ATF2: variants seen among roughly 807,000 people sequenced by gnomAD.
ATF2 encodes cyclic AMP-dependent transcription factor ATF-2.
Under a neutral mutation model 60.6 loss-of-function variants are expected in ATF2, and 24 were observed. That is an observed-to-expected ratio of 0.40 (90% CI 0.29 to 0.56). The LOEUF (loss-of-function observed/expected upper bound fraction) is 0.56, where lower values mean the gene tolerates loss of function less well. Ranked by LOEUF, ATF2 falls within the 20% of genes least tolerant of loss-of-function variation. The pLI is 0.54. For missense variants in ATF2, 433 were observed against 607.7 expected, an observed-to-expected ratio of 0.71 and a Z score of 3.02; for synonymous variants, 206 against 215.4, an observed-to-expected ratio of 0.96 and a Z score of 0.38.
chr2:175,131,624 T>A (rs1347345134), intron 3 of ATF2, among the ~76,000 whole-genome samples: 1 of 152,224 alleles, frequency 6.6e-6, no homozygotes, highest in African/African-American at 2.4e-5. Context: ...TAACATATTA[T>A]CCTTCTAGTG....
At chr2:175,102,424 T>C (rs1002741902) in intron 10 of ATF2, among the ~76,000 whole-genome samples, 7 of 152,148 alleles carry the variant, frequency 4.6e-5, no homozygotes, top group African/African-American at 1.4e-4. Context: ...AAATTTAATA[T>C]ATGTAAATAA....
At chr2:175,140,722 C>T (rs1426043053) in intron 2 of ATF2, among the ~76,000 whole-genome samples, 13 of 150,950 alleles carry the variant, frequency 8.6e-5, no homozygotes. Context: ...GGTGCAATGG[C>T]TCACACCTGT....
chr2:175,077,946 G>C (rs946777947), intron 13 of ATF2, among the ~76,000 whole-genome samples: 2 of 152,094 alleles, frequency 1.3e-5, no homozygotes, highest in Non-Finnish European at 2.9e-5. Flanking sequence ...CAGTAATCTT[G>C]AAAGTTCTCT....
chr2:175,149,715 T>C lies in ATF2; in HGVS notation c.-44+1345A>G, dbSNP rs1699183013. Among the ~76,000 whole-genome samples the C allele has an allele frequency of 1.3e-5, 2 of 152,198 alleles. 1 individual carries two copies. The highest frequency in any genetic ancestry group is 4.1e-4 in the South Asian group (2 of 4,830). On this transcript the variant is annotated intron_variant, in intron 2 of 13. Coordinates refer to ENST00000264110, the MANE Select transcript of ATF2 (RefSeq NM_001880.4). ...AGTCTCAAATGCTTAACATTGTTTC[T>C]AGACCCTTGCATGGACTGACCACTA...
At chr2:175,158,142 T>C (rs966786140) in intron 1 of ATF2, among the ~76,000 whole-genome samples, 6 of 151,892 alleles carry the variant, frequency 4.0e-5, no homozygotes, top group Admixed American at 2.0e-4. Context: ...GTGGTCATAA[T>C]AACAAACCTA....
At chr2:175,127,856 A>G (rs1350921984) in intron 4 of ATF2, among the ~76,000 whole-genome samples, 1 of 152,204 alleles carries the variant, frequency 6.6e-6, no homozygotes, top group African/African-American at 2.4e-5. Context: ...CTCGCTCTAC[A>G]TCATTAAATA....
At chr2:175,149,971 A>C (rs1699197975) in intron 2 of ATF2, among the ~76,000 whole-genome samples, 1 of 152,170 alleles carries the variant, frequency 6.6e-6, no homozygotes, top group Non-Finnish European at 1.5e-5. Flanking sequence ...ATAGGGTAGG[A>C]ATGTGCTAGA....
intron 3 of ATF2, chr2:175,132,739 T>C (rs1397694449): frequency 6.6e-6 from 1 of 152,196 alleles, no homozygotes; most frequent in East Asian, 1.9e-4. Flanking sequence ...TGGGTGGTTT[T>C]AAGTAATGAA....
intron 2 of ATF2, among the ~76,000 whole-genome samples, chr2:175,146,097 G>T (rs1195906253): frequency 1.3e-5 from 2 of 152,058 alleles, no homozygotes; most frequent in Non-Finnish European, 2.9e-5. Flanking sequence ...TAATAAGAAT[G>T]TAACAGCATC....
At chr2:175,106,924 G>A (rs1695712989) in intron 10 of ATF2, among the ~76,000 whole-genome samples, 1 of 152,162 alleles carries the variant, frequency 6.6e-6, no homozygotes, top group Admixed American at 6.5e-5. Flanking sequence ...AGTACTTTGG[G>A]AGGCCGAGGA....
In ATF2 at chr2:175,113,343, G is replaced by A. The variant is rs1696333051; in HGVS notation, c.741+651C>T. 1.3e-5 allele frequency among the ~76,000 whole-genome samples: 2 copies of A among 150,062 alleles called. 1 individual carries two copies. Among genetic ancestry groups the A allele is most frequent in the African/African-American group, 4.9e-5 (2 of 40,674 alleles). ...TCCATAGCTCACTGCAGTCTCAAACGCCTGGGCTCACACAATCCTCCTACC... is the reference window on the plus strand; with the variant it reads ...TCCATAGCTCACTGCAGTCTCAAACACCTGGGCTCACACAATCCTCCTACC... On this transcript the variant is annotated intron_variant, in intron 9 of 13. Transcript: ENST00000264110.
intron 3 of ATF2, among the ~76,000 whole-genome samples, chr2:175,135,868 G>A (rs1422004585): frequency 6.6e-6 from 1 of 152,032 alleles, no homozygotes; most frequent in Non-Finnish European, 1.5e-5. Context: ...CTGTAACACT[G>A]TTTCTTTTTC....
intron 2 of ATF2, among the ~76,000 whole-genome samples, chr2:175,141,151 A>AAGGT (rs1698511733): frequency 6.7e-6 from 1 of 150,370 alleles, no homozygotes; most frequent in South Asian, 2.1e-4. Context: ...CCTTCCTGCC[A>AAGGT]TAGCTGCATG....
chr2:175,131,783 G>A (rs892958641), intron 3 of ATF2, among the ~76,000 whole-genome samples: 1 of 152,080 alleles, frequency 6.6e-6, no homozygotes, highest in African/African-American at 2.4e-5. Flanking sequence ...TCTCAAACAG[G>A]ATCCTCTACA....
intron 12 of ATF2, among the ~76,000 whole-genome samples, chr2:175,086,742 T>TAC (rs1225507228): frequency 2.0e-5 from 3 of 152,168 alleles, no homozygotes; most frequent in African/African-American, 7.2e-5. Context: ...TTCAACAAAC[T>TAC]ACTCCAAGCA....
At chr2:175,166,022 T>G (rs1353489609) in intron 1 of ATF2, among the ~76,000 whole-genome samples, 1 of 152,128 alleles carries the variant, frequency 6.6e-6, no homozygotes, top group Non-Finnish European at 1.5e-5. Context: ...AGTGCAGGAA[T>G]TCCTGGGTTA....
intron 13 of ATF2, among the ~76,000 whole-genome samples, chr2:175,076,332 C>T (rs1280564786): frequency 6.6e-6 from 1 of 151,880 alleles, no homozygotes; most frequent in Admixed American, 6.6e-5. Flanking sequence ...CCTCAAGGTA[C>T]AATAAAACAA....
At chr2:175,139,738 T>A (rs1396864297) in intron 2 of ATF2, among the ~76,000 whole-genome samples, 1 of 151,084 alleles carries the variant, frequency 6.6e-6, no homozygotes, top group Non-Finnish European at 1.5e-5. Flanking sequence ...TCAGGAAAAG[T>A]GTAAACAGAT....
chr2:175,120,282 C>G (rs1696862935), intron 5 of ATF2, among the ~76,000 whole-genome samples: 1 of 149,966 alleles, frequency 6.7e-6, no homozygotes, highest in African/African-American at 2.5e-5. Flanking sequence ...CTCTTAATGT[C>G]TAATGTAAAA....
Sources: allele counts gnomAD v4.1 joint callset (sites outside exome capture counted in the v4.1 genomes callset), GRCh38; gene constraint gnomAD v4.1.1; transcripts MANE v1.5; gene names NCBI Gene and HGNC (gene_info 2026-07-23, HGNC 2026-07-21).